RAD51C: variants seen among roughly 807,000 people sequenced by gnomAD.
RAD51C encodes DNA repair protein RAD51 homolog 3.
RAD51C carries 42 observed loss-of-function variants against 45.0 expected under a neutral mutation model. The observed-to-expected ratio is 0.93, with a 90% CI of 0.73 to 1.21. The LOEUF is 1.21. Ranked by LOEUF, RAD51C falls within the 50% of genes most tolerant of loss-of-function variation. The pLI is 0.00. For synonymous variants in RAD51C, 172 were observed against 159.8 expected, an observed-to-expected ratio of 1.08 and a Z score of -0.58; for missense variants, 474 against 452.2, an observed-to-expected ratio of 1.05 and a Z score of -0.44.
intron 7 of RAD51C, among the ~76,000 whole-genome samples, chr17:58,729,871 G>A (rs1041023400): frequency 4.6e-5 from 7 of 152,030 alleles, no homozygotes; most frequent in Middle Eastern, 3.4e-3. Flanking sequence ...GTGCCCGGCC[G>A]ACTTTAGGAT....
chr17:58,719,938 CA>C (rs1035959766), intron 5 of RAD51C, among the ~76,000 whole-genome samples: 1 of 150,770 alleles, frequency 6.6e-6, no homozygotes, highest in African/African-American at 2.4e-5. Flanking sequence ...CCGTGTTAGC[CA>C]GGATGGTCTC....
intron 5 of RAD51C, among the ~76,000 whole-genome samples, chr17:58,710,317 T>TAAAAAA (rs71143280): frequency 1.5e-5 from 1 of 67,424 alleles, no homozygotes; most frequent in African/African-American, 6.2e-5. Context: ...CTGTCTCTAC[T>TAAAAAA]AAAAAAAAAA....
chr17:58,699,016 A>G (rs1461055375), intron 3 of RAD51C, among the ~76,000 whole-genome samples: 1 of 151,040 alleles, frequency 6.6e-6, no homozygotes, highest in Non-Finnish European at 1.5e-5. Context: ...TTATTTATTT[A>G]TTTATTTTAA....
At chr17:58,699,873 A>G (rs1445032182) in intron 3 of RAD51C, 2 of 151,944 alleles carry the variant, frequency 1.3e-5, no homozygotes, top group Admixed American at 6.6e-5. Context: ...TTTTTGAGAC[A>G]GAATCTGGCT....
At chr17:58,718,132 G>C (rs2048801313) in intron 5 of RAD51C, among the ~76,000 whole-genome samples, 1 of 152,048 alleles carries the variant, frequency 6.6e-6, no homozygotes. Context: ...GAGTAGCTGG[G>C]GTTACAGGTG....
intron 5 of RAD51C, among the ~76,000 whole-genome samples, chr17:58,712,837 G>T (rs2048606865): frequency 7.2e-6 from 1 of 138,064 alleles, no homozygotes; most frequent in Non-Finnish European, 1.6e-5. Context: ...AAGAAAATGA[G>T]GTCATGCCAC....
At chr17:58,713,836 T>A (rs2048638930) in intron 5 of RAD51C, among the ~76,000 whole-genome samples, 2 of 152,094 alleles carry the variant, frequency 1.3e-5, no homozygotes, top group African/African-American at 4.8e-5. Context: ...AAGTTTTTTG[T>A]AGAGATGAGG....
chr17:58,700,131 A>G (rs1362106899), intron 3 of RAD51C: 2 of 152,264 alleles, frequency 1.3e-5, no homozygotes, highest in African/African-American at 4.8e-5. Context: ...TGCTGGGATT[A>G]TGAGTGTGAA....
At chr17:58,705,654 A>G (rs1038653921) in intron 4 of RAD51C, among the ~76,000 whole-genome samples, 1 of 152,030 alleles carries the variant, frequency 6.6e-6, no homozygotes, top group African/African-American at 2.4e-5. Context: ...TCTTACAAGG[A>G]CGCTAATCAT....
At chr17:58,697,750 C>A (rs2048069880) in intron 3 of RAD51C, among the ~76,000 whole-genome samples, 1 of 150,764 alleles carries the variant, frequency 6.6e-6, no homozygotes, top group African/African-American at 2.4e-5. Context: ...TTCGCTTTTG[C>A]TGCCCAGGCT....
intron 3 of RAD51C, among the ~76,000 whole-genome samples, chr17:58,700,714 A>G (rs2143779330): frequency 6.6e-6 from 1 of 152,266 alleles, no homozygotes; most frequent in South Asian, 2.1e-4. Flanking sequence ...CGCTGGGATT[A>G]CAGGCGTGAG....
intron 3 of RAD51C, among the ~76,000 whole-genome samples, chr17:58,699,284 G>A (rs981477936): frequency 8.5e-5 from 13 of 152,112 alleles, no homozygotes; most frequent in Non-Finnish European, 1.5e-4. Context: ...GGGATTACAG[G>A]CATGAGCTAC....
intron 5 of RAD51C, among the ~76,000 whole-genome samples, chr17:58,717,498 G>A (rs190688609): frequency 1.3e-5 from 2 of 152,122 alleles, no homozygotes; most frequent in African/African-American, 4.8e-5. Context: ...TAGCACTTTG[G>A]GAGGCCGAGG....
At chr17:58,721,674 G>A (rs1385445353) in intron 6 of RAD51C, among the ~76,000 whole-genome samples, 2 of 151,714 alleles carry the variant, frequency 1.3e-5, no homozygotes, top group Non-Finnish European at 1.5e-5. Context: ...CAGGAGAATC[G>A]CTTGAACCTG....
intron 4 of RAD51C, chr17:58,705,989 A>G (rs1037184050): frequency 3.3e-5 from 5 of 152,192 alleles, no homozygotes; most frequent in Non-Finnish European, 7.3e-5. Flanking sequence ...TCCTGAAGTG[A>G]AATTCCCTTC....
At chr17:58,712,362 A>AAAAG (rs1567801767) in intron 5 of RAD51C, among the ~76,000 whole-genome samples, 2 of 151,518 alleles carry the variant, frequency 1.3e-5, no homozygotes. Context: ...AAAAAAAAAA[A>AAAAG]AAAGAAATTT....
chr17:58,708,331 T>C (rs2048440826), intron 4 of RAD51C, among the ~76,000 whole-genome samples: 1 of 152,130 alleles, frequency 6.6e-6, no homozygotes, highest in African/African-American at 2.4e-5. Context: ...GTTTGCATAT[T>C]AATGGTCCCT....
chr17:58,727,562 C>CT (rs920948012), intron 7 of RAD51C, among the ~76,000 whole-genome samples: 36 of 149,826 alleles, frequency 2.4e-4, no homozygotes, highest in African/African-American at 7.1e-4. Flanking sequence ...TTTCTTCAAA[C>CT]TTTTTTTTTT....
At chr17:58,696,942 C>G (rs2048038959) in intron 3 of RAD51C, 83 bp downstream of exon 3, 1 of 1,471,858 alleles carries the variant, frequency 6.8e-7, no homozygotes, top group Non-Finnish European at 9.5e-7. Context: ...CAGCAACACT[C>G]CATTTGGAAT....
Sources: allele counts gnomAD v4.1 joint callset (sites outside exome capture counted in the v4.1 genomes callset), GRCh38; gene constraint gnomAD v4.1.1; transcripts MANE v1.5; gene names NCBI Gene and HGNC (gene_info 2026-07-23, HGNC 2026-07-21).